Variants in SAXO5 observed in about 807,000 individuals in gnomAD.
SAXO5 encodes the protein stabilizer of axonemal microtubules 5.
the SAXO5 span, chr19:7,504,214 G>A: frequency 1.2e-6 from 2 of 1,614,168 alleles, no homozygotes; most frequent in Non-Finnish European, 8.5e-7. Flanking sequence ...CCTGCCTTGA[G>A]GTGTAAGAGG....
At chr19:7,504,324 T>C in the SAXO5 span, 1 of 1,613,878 alleles carries the variant, frequency 6.2e-7, no homozygotes, top group South Asian at 1.1e-5. Context: ...TCCTCCGGAG[T>C]GGAGCTGGGA....
the SAXO5 span, chr19:7,506,071 C>CA: frequency 1.2e-6 from 2 of 1,613,884 alleles, no homozygotes; most frequent in Non-Finnish European, 1.7e-6. Flanking sequence ...TCAAGACCAC[C>CA]ATGGGCTCGG....
chr19:7,500,414 G>C, the SAXO5 span, among the ~76,000 whole-genome samples: 1 of 152,094 alleles, frequency 6.6e-6, no homozygotes, highest in Admixed American at 6.6e-5. Context: ...CGATTCTCCT[G>C]CCTCAGCCTC....
the SAXO5 span, chr19:7,506,275 G>GC: frequency 3.2e-6 from 3 of 942,768 alleles, no homozygotes; most frequent in African/African-American, 1.9e-5. Context: ...CCCCCACGGA[G>GC]CCCCGTCCCG....
At chr19:7,505,284 A>T in the SAXO5 span, 12 of 1,599,994 alleles carry the variant, frequency 7.5e-6, no homozygotes, top group African/African-American at 1.6e-4. Flanking sequence ...TGCCCAGCCC[A>T]CTTTACCTTA....
At chr19:7,505,700 C>A in the SAXO5 span, 1 of 1,433,218 alleles carries the variant, frequency 7.0e-7, no homozygotes, top group South Asian at 1.2e-5. Context: ...GCAGAAGTCC[C>A]AAAGTGGGAG....
At chr19:7,500,860 GCCCGATGT>G in the SAXO5 span, 4 of 1,546,798 alleles carry the variant, frequency 2.6e-6, no homozygotes, top group Non-Finnish European at 3.5e-6. Flanking sequence ...TCGCGCCCGT[GCCCGATGT>G]CCCGGCTGGA....
chr19:7,504,095 C>CTCTCTCT, the SAXO5 span: 44 of 724,310 alleles, frequency 6.1e-5, no homozygotes, highest in Middle Eastern at 3.1e-4. Context: ...TCTCTCTCTC[C>CTCTCTCT]CCCCATCCCC....
the SAXO5 span, chr19:7,508,201 C>T: frequency 6.2e-7 from 1 of 1,612,794 alleles, no homozygotes; most frequent in African/African-American, 1.3e-5. Context: ...ACCCTGTCTC[C>T]ACAGTGCAAG....
At chr19:7,507,452 G>C in the SAXO5 span, among the ~76,000 whole-genome samples, 1 of 152,010 alleles carries the variant, frequency 6.6e-6, no homozygotes, top group Non-Finnish European at 1.5e-5. Flanking sequence ...GCATGGTGGC[G>C]CATGCCTGTA....
the SAXO5 span, chr19:7,507,004 G>C: frequency 5.3e-5 from 78 of 1,477,784 alleles, no homozygotes; most frequent in Non-Finnish European, 6.9e-5. Flanking sequence ...CACACCCTCA[G>C]CCCCGCCTCG....
chr19:7,497,804 T>C, the SAXO5 span: 12 of 152,238 alleles, frequency 7.9e-5, no homozygotes, highest in African/African-American at 2.9e-4. Context: ...TGATGACCCA[T>C]TTTGGAGGTC....
the SAXO5 span, chr19:7,506,880 C>T: frequency 7.0e-6 from 4 of 572,378 alleles, no homozygotes; most frequent in South Asian, 4.0e-5. Flanking sequence ...CTTCCTCTGG[C>T]TTCTCCCTCC....
At chr19:7,506,401 G>C in the SAXO5 span, 1 of 534,792 alleles carries the variant, frequency 1.9e-6, no homozygotes, top group Admixed American at 3.1e-5. Flanking sequence ...CAATTGACCA[G>C]AACCCCAACT....
the SAXO5 span, chr19:7,501,146 G>C: frequency 1.3e-6 from 2 of 1,509,924 alleles, no homozygotes; most frequent in East Asian, 5.4e-5. Flanking sequence ...CGCTCGCCAT[G>C]CAGGCCGGCA....
the SAXO5 span, among the ~76,000 whole-genome samples, chr19:7,503,486 T>G: frequency 2.0e-5 from 3 of 151,828 alleles, no homozygotes; most frequent in Non-Finnish European, 4.4e-5. Context: ...TTTGTTTTAT[T>G]GTGTGTGTGT....
At chr19:7,500,146 G>A in the SAXO5 span, among the ~76,000 whole-genome samples, 1 of 151,826 alleles carries the variant, frequency 6.6e-6, no homozygotes, top group African/African-American at 2.4e-5. Context: ...GTCATCTCCC[G>A]CCCCATTATC....
At chr19:7,500,729 AAGGAGTCAAAAGC>A in the SAXO5 span, 4 of 1,190,022 alleles carry the variant, frequency 3.4e-6, no homozygotes, top group Non-Finnish European at 4.5e-6. Context: ...AGGCAGCAGA[AAGGAGTCAAAAGC>A]AGGAGTCAAA....
At chr19:7,506,280 G>A in the SAXO5 span, 1 of 808,466 alleles carries the variant, frequency 1.2e-6, no homozygotes, top group Non-Finnish European at 1.8e-6. Context: ...ACGGAGCCCC[G>A]TCCCGGGAAG....
Sources: gnomAD v4.1 joint callset for allele counts (sites outside exome capture counted in the v4.1 genomes callset) on GRCh38, gnomAD v4.1.1 for gene constraint, MANE v1.5 for transcripts, NCBI Gene and HGNC (gene_info 2026-07-23, HGNC 2026-07-21) for gene names.